The following DCTN1 variants were observed in gnomAD, a reference collection of about 807,000 sequenced individuals.
The protein encoded by DCTN1 is 150 kDa dynein-associated polypeptide.
In DCTN1, 61 loss-of-function variants were observed where a neutral mutation model predicts 161.2. The ratio of observed to expected loss-of-function variants is 0.38; its 90% CI spans 0.31 to 0.47. DCTN1 has a LOEUF of 0.47. Ranked by LOEUF, DCTN1 falls within the 20% of genes least tolerant of loss-of-function variation. DCTN1 has a pLI of 0.99. For synonymous variants in DCTN1, 653 were observed against 632.4 expected (o/e 1.03, Z -0.49); for missense variants, 1,404 against 1,623.7 (o/e 0.86, Z 2.33).
chr2:74,380,058 C>G lies in DCTN1; in HGVS notation c.-21G>C. 3.1e-6 allele frequency: 5 copies of G among 1,614,026 alleles called. No homozygotes were observed. Among genetic ancestry groups the G allele is most frequent in the Non-Finnish European group, 4.2e-6 (5 of 1,179,976 alleles). On this transcript the variant is annotated 5_prime_UTR_variant, in exon 1 of 32. Transcript: ENST00000628224. ...GCCATGTTGCTCACCCGGCCTCTACCCCCTCCCCCAGCTGGCCAAAGACAG... is the reference window on the plus strand; with the variant it reads ...GCCATGTTGCTCACCCGGCCTCTACGCCCTCCCCCAGCTGGCCAAAGACAG...
At chr2:74,389,593 G>C (rs918813473) in intron 1 of DCTN1, among the ~76,000 whole-genome samples, 2 of 152,108 alleles carry the variant, frequency 1.3e-5, no homozygotes, top group Non-Finnish European at 2.9e-5. Flanking sequence ...TGGTCAGTCA[G>C]GCCCCACTTA....
At chr2:74,373,878 C>T (rs1675048351) in intron 6 of DCTN1, among the ~76,000 whole-genome samples, 2 of 152,228 alleles carry the variant, frequency 1.3e-5, no homozygotes, top group South Asian at 4.1e-4. Context: ...TTCCCCATCC[C>T]ACCCTGGTAA....
chr2:74,361,783 A>G, intron 31 of DCTN1, 147 bp from the exon 32 acceptor site: 1 of 1,044,828 alleles, frequency 9.6e-7, no homozygotes, highest in Non-Finnish European at 1.4e-6. Context: ...CACATTTTTC[A>G]AATAAGAATG....
chr2:74,368,055 C>T lies in DCTN1; in HGVS notation c.1931G>A (p.Gly644Glu). ...AAAGCTGAGTTGCTCCCCAGCAGCT[C>T]CTCGCAGCCCAGGCCGCTCTGAACA... ...ENCSERPGLRGAAGEQLSFAA... is the reference protein window; with the variant it reads ...ENCSERPGLREAAGEQLSFAA... Residue 644 changes from glycine (G) to glutamate (E), a missense_variant, in exon 17 of 32, where the codon GGA becomes GAA. Physicochemically the swap from Gly to Glu is moderately conservative, Grantham distance 98 (BLOSUM62 -2). This residue lies in a region of DCTN1 where 475 missense variants were observed against 489.8 expected (regional missense o/e 0.97). Transcript: ENST00000628224. 3 of 1,613,712 alleles carry T rather than the reference C, an allele frequency of 1.9e-6. No individual in the cohort carries two copies. Among genetic ancestry groups the T allele is most frequent in the Non-Finnish European group, 2.5e-6 (3 of 1,179,800 alleles).
At position 74,371,543 on chromosome 2, in the gene DCTN1, TG is replaced by T; in HGVS notation, c.638del (p.Pro213HisfsTer8). ...CCCCTACCCCAGGCCTTACCTTGGA[TG>T]GGGAAGGAAGCGGGGGGACTGCTCC... ...SPGAVPPLPS[P>X]SKEEEGLRAQ... On this transcript the variant is annotated frameshift_variant, in exon 8 of 32. Transcript: ENST00000628224. LOFTEE classifies it high-confidence loss of function. 1 of 1,572,546 alleles carries T rather than the reference TG, an allele frequency of 6.4e-7. No individual in the cohort carries two copies. Among genetic ancestry groups the T allele is most frequent in the Admixed American group, 1.9e-5 (1 of 53,848 alleles).
chr2:74,367,579 C>G (rs1674517700), intron 18 of DCTN1, 117 bp downstream of exon 18: 1 of 1,538,472 alleles, frequency 6.5e-7, no homozygotes, highest in Non-Finnish European at 8.9e-7. Context: ...CATCTAAGAG[C>G]AAACCAGGCC....
intron 7 of DCTN1, 104 bp downstream of exon 7, chr2:74,372,824 T>C (rs916520082): frequency 1.8e-5 from 21 of 1,181,586 alleles, no homozygotes; most frequent in African/African-American, 4.5e-5. Context: ...CAGGATACAC[T>C]ATGACGAACT....
intron 1 of DCTN1, chr2:74,391,773 G>A: frequency 2.2e-6 from 1 of 453,548 alleles, no homozygotes; most frequent in Non-Finnish European, 4.4e-6. Context: ...GCAGACGGTT[G>A]GCAGAGTCGC....
intron 1 of DCTN1, among the ~76,000 whole-genome samples, chr2:74,388,764 G>C (rs1675858736): frequency 6.6e-6 from 1 of 152,218 alleles, no homozygotes; most frequent in African/African-American, 2.4e-5. Flanking sequence ...TTTGCAAAGA[G>C]AAGGTATTCA....
At chr2:74,367,018 C>T in intron 20 of DCTN1, 27 bp downstream of exon 20, 2 of 1,614,172 alleles carry the variant, frequency 1.2e-6, no homozygotes, top group Middle Eastern at 1.6e-4. Flanking sequence ...AGAAGAGGAG[C>T]TCACACAGAT....
At chr2:74,390,690 T>C in intron 1 of DCTN1, 1 of 447,742 alleles carries the variant, frequency 2.2e-6, no homozygotes, top group Non-Finnish European at 4.7e-6. Context: ...CTACTCAGAT[T>C]GTGTTCCATG....
intron 3 of DCTN1, 76 bp from the exon 4 acceptor site, chr2:74,377,542 G>A: frequency 1.3e-6 from 2 of 1,532,560 alleles, no homozygotes; most frequent in Non-Finnish European, 9.0e-7. Flanking sequence ...GAATATGGTA[G>A]TGACGGAAAA....
At chr2:74,379,905 G>C in intron 1 of DCTN1, 100 bp downstream of exon 1, 1 of 1,269,262 alleles carries the variant, frequency 7.9e-7, no homozygotes, top group Non-Finnish European at 1.1e-6. Context: ...CCTCAGCTGA[G>C]CTCCAGCCTA....
intron 18 of DCTN1, 44 bp downstream of exon 18, chr2:74,367,652 A>T (rs777340123): frequency 9.3e-6 from 15 of 1,613,606 alleles, no homozygotes; most frequent in Middle Eastern, 1.7e-4. Context: ...ATCAAGTGAA[A>T]GCTTCCCTGC....
intron 5 of DCTN1, chr2:74,374,559 G>A (rs1038883709): frequency 2.5e-5 from 34 of 1,355,910 alleles, no homozygotes; most frequent in African/African-American, 4.4e-5. Context: ...AACGGCCGCC[G>A]CTCTGACACA....
In DCTN1 at chr2:74,369,914, C is replaced by A. The variant is rs754932810; in HGVS notation, c.1392+51G>T. On this transcript the variant is annotated intron_variant, in intron 13 of 31. Transcript: ENST00000628224. This position sits in a 1 kb window ranked among gnomAD's most constrained non-coding sequence, Gnocchi z 4.9. ...CAAAGGCCAAGGGTCACATGTCAATCTTTTTCTCAGCAGGTCCAAGTCAGA... is the reference window on the plus strand; with the variant it reads ...CAAAGGCCAAGGGTCACATGTCAATATTTTTCTCAGCAGGTCCAAGTCAGA... The A allele has an allele frequency of 5.1e-6, 8 of 1,580,224 alleles. No homozygotes were observed. The highest frequency in any genetic ancestry group is 6.9e-6 in the Non-Finnish European group (8 of 1,152,444).
Position 74,380,052 on chromosome 2 carries a change from C to T in DCTN1, c.-15G>A, listed in dbSNP as rs765856576. The T allele has an allele frequency of 1.5e-5, 24 of 1,613,996 alleles. No homozygotes were observed. The African/African-American group carries it at 2.7e-4, about 18-fold the overall frequency. ...CTCTGTGCCATGTTGCTCACCCGGC[C>T]TCTACCCCCTCCCCCAGCTGGCCAA... On this transcript the variant is annotated 5_prime_UTR_variant, in exon 1 of 32. Coordinates refer to ENST00000628224, the MANE Select transcript of DCTN1 (RefSeq NM_004082.5).
intron 30 of DCTN1, 150 bp downstream of exon 30, chr2:74,362,500 A>T: frequency 1.3e-6 from 1 of 789,088 alleles, no homozygotes. Context: ...GCACTGAGAC[A>T]GTGAGCTTCC....
At chr2:74,390,087 T>A (rs528244342) in intron 1 of DCTN1, among the ~76,000 whole-genome samples, 9 of 152,364 alleles carry the variant, frequency 5.9e-5, no homozygotes, top group African/African-American at 2.2e-4. Context: ...CTGCTTAAGA[T>A]ACTTTTCTAG....
Sources: allele counts gnomAD v4.1 joint callset (sites outside exome capture counted in the v4.1 genomes callset), GRCh38; gene constraint gnomAD v4.1.1; regional missense constraint gnomAD v4.1.1; non-coding constraint Gnocchi (gnomAD v3.1); transcripts MANE v1.5; gene names NCBI Gene and HGNC (gene_info 2026-07-23, HGNC 2026-07-21).